Variants in NDUFAF3 observed in about 807,000 individuals in gnomAD.
NDUFAF3 encodes the protein NADH:ubiquinone oxidoreductase complex assembly factor 3, also known as NADH dehydrogenase [ubiquinone] 1 alpha subcomplex assembly factor 3.
In NDUFAF3, 21 loss-of-function variants were observed where a neutral mutation model predicts 22.6. That is an observed-to-expected ratio of 0.93 (90% CI 0.66 to 1.34). The LOEUF (loss-of-function observed/expected upper bound fraction) is 1.34, where lower values mean the gene tolerates loss of function less well. Among genes scored for constraint, NDUFAF3 ranks in the 40% most tolerant of loss-of-function variants. The pLI is 0.00. For missense variants in NDUFAF3, 251 were observed against 248.4 expected, an observed-to-expected ratio of 1.01 and a Z score of -0.07; for synonymous variants, 113 against 104.9, an observed-to-expected ratio of 1.08 and a Z score of -0.47.
chr3:49,021,399 G>A (rs2093155440), upstream of NDUFAF3: 1 of 152,736 alleles, frequency 6.5e-6, no homozygotes, highest in Non-Finnish European at 1.5e-5. This position sits in a 1 kb window ranked among gnomAD's most constrained non-coding sequence, Gnocchi z 4.1. Context: ...ACGAGGACAA[G>A]GTGATGCTCC....
At chr3:49,021,832 CG>C (rs1204429272), upstream of NDUFAF3, 8 of 459,568 alleles carry the variant, frequency 1.7e-5, no homozygotes, top group Non-Finnish European at 3.9e-6. The surrounding 1 kb of genome is among the most constrained non-coding windows in gnomAD (Gnocchi z 4.1). Flanking sequence ...GCTGAGAGCC[CG>C]GGGGCCAGGC....
Position 49,022,321 on chromosome 3 carries a change from C to T in NDUFAF3, c.78-25C>T, listed in dbSNP as rs1370215031. ...TCTCGGGCTGCCCGGCCCGGCCCCGCGCCCCTGACCCTTTCCCTCCGCAGG... is the reference window on the plus strand; with the variant it reads ...TCTCGGGCTGCCCGGCCCGGCCCCGTGCCCCTGACCCTTTCCCTCCGCAGG... On this transcript the variant is annotated intron_variant, in intron 1 of 4. Transcript: ENST00000326925. This position sits in a 1 kb window ranked among gnomAD's most constrained non-coding sequence, Gnocchi z 6.6. 18 of 1,608,250 alleles carry T rather than the reference C, an allele frequency of 1.1e-5. No homozygotes were observed. The Middle Eastern group carries it at 6.6e-4, about 59-fold the overall frequency.
In NDUFAF3 at chr3:49,022,716, G is replaced by C. The variant is rs751592589; in HGVS notation, c.285G>C (p.Gln95His). The C allele has an allele frequency of 2.5e-6, 4 of 1,614,118 alleles. No individual in the cohort carries two copies. Among genetic ancestry groups the C allele is most frequent in the South Asian group, 2.2e-5 (2 of 91,074 alleles). The change falls in exon 3 of 5, where the codon CAG becomes CAC. Residue 95 changes from glutamine to histidine, a missense_variant. By Grantham distance (24) the Gln-to-His change is conservative. Transcript: ENST00000326925. This position sits in a 1 kb window ranked among gnomAD's most constrained non-coding sequence, Gnocchi z 6.6. ...SVVQWNVGSHQDITEDSFSLF... is the reference protein window; with the variant it reads ...SVVQWNVGSHHDITEDSFSLF... ...TCCCTGCACAGGTGGGATCCCACCA[G>C]GACATCACCGAAGACAGCTTTTCCC...
In NDUFAF3 at chr3:49,023,214, C is replaced by T; in HGVS notation, c.*42C>T. ...CTGCTGACTGCACTCTGCCAGGCTT[C>T]CCAATGCTTTCACTCTTATCTACCC... On this transcript the variant is annotated 3_prime_UTR_variant, in exon 5 of 5. Transcript: ENST00000326925. The T allele has an allele frequency of 7.0e-7, 1 of 1,437,988 alleles. No individual in the cohort carries two copies. Among genetic ancestry groups the T allele is most frequent in the Non-Finnish European group, 9.8e-7 (1 of 1,020,414 alleles). The allele number at this position is 1,437,988 out of a possible 1,614,324, so 89.1% of individuals were successfully genotyped here. A position where few individuals can be genotyped will look rare whatever the true frequency, so the allele number is the denominator to read the frequency against.
At chr3:49,020,773 C>T (rs1396269743), upstream of NDUFAF3, 4 of 422,276 alleles carry the variant, frequency 9.5e-6, no homozygotes, top group Non-Finnish European at 1.5e-5. Flanking sequence ...TCAGAACCCG[C>T]CCATCCCCAG....
upstream of NDUFAF3, chr3:49,020,489 C>G (rs1359911265): frequency 1.0e-5 from 4 of 389,648 alleles, no homozygotes; most frequent in Admixed American, 9.3e-5. Context: ...GGCCACCAGC[C>G]TCGGCTCTCC....
At position 49,023,135 on chromosome 3, in the gene NDUFAF3, G is replaced by T. The variant is rs754848507; in HGVS notation, c.518G>T (p.Gly173Val). The change falls in exon 5 of 5, where the codon GGG becomes GTG. Residue 173 changes from glycine to valine, a missense_variant. Transcript: ENST00000326925. ...TGAALIPPPG[G>V]TSLTSLGQAA... ...GCTGCTCTCATCCCTCCACCAGGAG[G>T]GACTTCACTTACATCTTTGGGCCAA... 4.3e-6 allele frequency: 7 copies of T among 1,614,018 alleles called. No homozygotes were observed. Among genetic ancestry groups the T allele is most frequent in the Non-Finnish European group, 5.9e-6 (7 of 1,180,036 alleles).
At chr3:49,021,873 G>A (rs1442206620), upstream of NDUFAF3, 10 of 542,458 alleles carry the variant, frequency 1.8e-5, no homozygotes, top group Non-Finnish European at 3.3e-5. This position sits in a 1 kb window ranked among gnomAD's most constrained non-coding sequence, Gnocchi z 4.1. Context: ...ACGCCCTGAG[G>A]GTGGCCACGC....
chr3:49,020,933 C>T (rs148514894), upstream of NDUFAF3: 198 of 197,092 alleles, frequency 1.0e-3, no homozygotes, highest in Middle Eastern at 4.7e-3. Flanking sequence ...CAGGATTAGC[C>T]CTGTTGGTCC....
In NDUFAF3 at chr3:49,022,950, G is replaced by C; in HGVS notation, c.412G>C (p.Gly138Arg). Residue 138 changes from glycine (G) to arginine (R), a missense_variant, in exon 4 of 5, where the codon GGC becomes CGC. Physicochemically the swap from Gly to Arg is moderately radical, Grantham distance 125. Transcript: ENST00000326925. The surrounding 1 kb of genome is among the most constrained non-coding windows in gnomAD (Gnocchi z 6.6). The stretch of plus-strand genomic sequence containing the variant: ...GGTGCTTCAAGCCATGAGGCAGCGG[G>C]GCATTGCTGTGGAAGTGCAGGACAC... ...SQVLQAMRQR[G>R]IAVEVQDTPN... is the part of the protein sequence containing the mutation. 1 of 1,614,154 alleles carries C rather than the reference G, an allele frequency of 6.2e-7. No homozygotes were observed. Among genetic ancestry groups the C allele is most frequent in the Non-Finnish European group, 8.5e-7 (1 of 1,180,038 alleles).
chr3:49,022,777 G>A lies in NDUFAF3; in HGVS notation c.337+9G>A, dbSNP rs766909760. 2.5e-6 allele frequency: 4 copies of A among 1,614,000 alleles called. No individual in the cohort carries two copies. In the South Asian group the frequency reaches 4.4e-5, roughly 18 times the overall value. ...GCTGGAGCCCCGGATAGGTACTGGG[G>A]AAGGGGAGGGAGAACAGAGGTGTTC... is the stretch of plus-strand genomic sequence containing the variant. On this transcript the variant is annotated intron_variant, in intron 3 of 4. Transcript: ENST00000326925. The surrounding 1 kb of genome is among the most constrained non-coding windows in gnomAD (Gnocchi z 6.6).
chr3:49,022,508 T>C lies in NDUFAF3; in HGVS notation c.240T>C (p.Ala80=). ...INGNRVLGPC[A]LLPHSVVQWN... The stretch of plus-strand genomic sequence containing the variant: ...GAAACCGCGTGCTCGGCCCCTGCGC[T>C]CTGCTCCCGCACTCGGTGGTGCAGT... The change falls in exon 2 of 5, where the codon GCT becomes GCC. Residue 80 remains alanine, a synonymous_variant. Coordinates refer to ENST00000326925, the MANE Select transcript of NDUFAF3 (RefSeq NM_199069.2). The surrounding 1 kb of genome is among the most constrained non-coding windows in gnomAD (Gnocchi z 6.6). 1.9e-6 allele frequency: 3 copies of C among 1,613,088 alleles called. No homozygotes were observed. Among genetic ancestry groups the C allele is most frequent in the Non-Finnish European group, 2.5e-6 (3 of 1,179,920 alleles).
chr3:49,021,552 A>T (rs1014744276), upstream of NDUFAF3: 14 of 155,904 alleles, frequency 9.0e-5, no homozygotes, highest in African/African-American at 3.1e-4. This position sits in a 1 kb window ranked among gnomAD's most constrained non-coding sequence, Gnocchi z 4.1. Flanking sequence ...CCACCTGGCC[A>T]CGCCCCCTAG....
Position 49,023,141 on chromosome 3 carries a change from C to CACTT in NDUFAF3, c.527_530dup (p.Ser178TyrfsTer17). On this transcript the variant is annotated frameshift_variant, in exon 5 of 5. Coordinates refer to ENST00000326925, the MANE Select transcript of NDUFAF3 (RefSeq NM_199069.2). LOFTEE classifies it low-confidence loss of function (END_TRUNC). ...CTCATCCCTCCACCAGGAGGGACTT[C>CACTT]ACTTACATCTTTGGGCCAAGCTGCT... is the stretch of plus-strand genomic sequence containing the variant. The CACTT allele has an allele frequency of 6.2e-7, 1 of 1,614,102 alleles. No homozygotes were observed. Among genetic ancestry groups the CACTT allele is most frequent in the East Asian group, 2.2e-5 (1 of 44,884 alleles).
chr3:49,022,421 A>G lies in NDUFAF3; in HGVS notation c.153A>G (p.Gln51=). 2 of 1,612,974 alleles carry G rather than the reference A, an allele frequency of 1.2e-6. No individual in the cohort carries two copies. Among genetic ancestry groups the G allele is most frequent in the Non-Finnish European group, 1.7e-6 (2 of 1,180,014 alleles). ...AGCGGACGCGCATCTCTCTGCTGCA[A>G]CGCGAGGCCGCTCAGGCAATGTACA... ...LYQRTRISLL[Q]REAAQAMYID... Residue 51 remains glutamine, a synonymous_variant, in exon 2 of 5, where the codon CAA becomes CAG. Coordinates refer to ENST00000326925, the MANE Select transcript of NDUFAF3 (RefSeq NM_199069.2). This position sits in a 1 kb window ranked among gnomAD's most constrained non-coding sequence, Gnocchi z 6.6.
At position 49,022,487 on chromosome 3, in the gene NDUFAF3, C is replaced by T. The variant is rs1575304076; in HGVS notation, c.219C>T (p.Asn73=). 1.2e-6 allele frequency: 2 copies of T among 1,613,056 alleles called. No individual in the cohort carries two copies. Among genetic ancestry groups the T allele is most frequent in the African/African-American group, 1.3e-5 (1 of 74,940 alleles). ...YNSRGFMING[N]RVLGPCALLP... ...GCCGCGGCTTCATGATAAACGGAAA[C>T]CGCGTGCTCGGCCCCTGCGCTCTGC... Residue 73 remains asparagine (N), a synonymous_variant, in exon 2 of 5, where the codon AAC becomes AAT. Transcript: ENST00000326925. This position sits in a 1 kb window ranked among gnomAD's most constrained non-coding sequence, Gnocchi z 6.6.
chr3:49,022,926 G>A lies in NDUFAF3; in HGVS notation c.388G>A (p.Val130Met). 6.2e-7 allele frequency: 1 copy of A among 1,614,056 alleles called. No individual in the cohort carries two copies. Among genetic ancestry groups the A allele is most frequent in the Admixed American group, 1.7e-5 (1 of 60,028 alleles). Reference protein sequence around the residue: ...GDRTERLQSQVLQAMRQRGIA... With the variant: ...GDRTERLQSQMLQAMRQRGIA... ...CCGGACCGAGAGGCTGCAGTCCCAG[G>A]TGCTTCAAGCCATGAGGCAGCGGGG... The change falls in exon 4 of 5, where the codon GTG becomes ATG. Residue 130 changes from valine (V) to methionine (M), a missense_variant. Transcript: ENST00000326925. The surrounding 1 kb of genome is among the most constrained non-coding windows in gnomAD (Gnocchi z 6.6).
chr3:49,022,101 G>A (rs2093163519), upstream of NDUFAF3: 1 of 1,581,134 alleles, frequency 6.3e-7, no homozygotes, highest in Non-Finnish European at 8.6e-7. The surrounding 1 kb of genome is among the most constrained non-coding windows in gnomAD (Gnocchi z 6.6). Flanking sequence ...CCCAACCCGG[G>A]GACTAACGGC....
At position 49,023,090 on chromosome 3, in the gene NDUFAF3, A is replaced by T. The variant is rs1173264829; in HGVS notation, c.473A>T (p.His158Leu). The change falls in exon 5 of 5, where the codon CAT becomes CTT. Residue 158 changes from histidine (H) to leucine (L), a missense_variant. Physicochemically the swap from His to Leu is moderately conservative, Grantham distance 99. Transcript: ENST00000326925. ...TGTGCCACCTTCAACTTCCTGTGTC[A>T]TGAAGGCCGAGTAACTGGAGCTGCT... The part of the protein sequence containing the change: ...NACATFNFLC[H>L]EGRVTGAALI... 1.9e-6 allele frequency: 3 copies of T among 1,614,134 alleles called. No individual in the cohort carries two copies. Among genetic ancestry groups the T allele is most frequent in the Non-Finnish European group, 2.5e-6 (3 of 1,180,024 alleles).
Sources: gnomAD v4.1 joint callset for allele counts on GRCh38, gnomAD v4.1.1 for gene constraint, Gnocchi (gnomAD v3.1) non-coding constraint, MANE v1.5 for transcripts, NCBI Gene and HGNC (gene_info 2026-07-23, HGNC 2026-07-21) for gene names.